Variants in NCKAP1 observed in about 807,000 individuals in gnomAD.
NCKAP1 encodes NCK associated protein 1, also known as nck-associated protein 1.
Under a neutral mutation model 151.2 loss-of-function variants are expected in NCKAP1, and 21 were observed. That is an observed-to-expected ratio of 0.14 (90% CI 0.10 to 0.20). The LOEUF (loss-of-function observed/expected upper bound fraction) is 0.20, where lower values mean the gene tolerates loss of function less well. NCKAP1 is among the 10% of genes least tolerant of loss of function. NCKAP1 has a pLI of 1.00. For synonymous variants in NCKAP1, 484 were observed against 451.8 expected (o/e 1.07, Z -0.90); for missense variants, 933 against 1,352.1 (o/e 0.69, Z 4.86).
rs553163007 is a variant in NCKAP1, at chr2:182,997,976, C to T, written c.604-2138G>A. On this transcript the variant is annotated intron_variant, in intron 6 of 30. Coordinates refer to ENST00000361354, the MANE Select transcript of NCKAP1 (RefSeq NM_013436.5). ...CCAGCAGGACATCAAAAAGTTAATTCACCATGATCAAGTGGGCTTTATTCC... is the reference window on the plus strand; with the variant it reads ...CCAGCAGGACATCAAAAAGTTAATTTACCATGATCAAGTGGGCTTTATTCC... Among the ~76,000 whole-genome samples the T allele has an allele frequency of 1.2e-3, 176 of 152,288 alleles. 2 individuals carry two copies. The highest frequency in any genetic ancestry group is 4.0e-3 in the African/African-American group (165 of 41,560).
At position 182,918,952 on chromosome 2, in the gene NCKAP1, TG is replaced by T. The variant is rs1384137837; in HGVS notation, c.*6749del. The T allele has an allele frequency of 6.6e-6, 1 of 152,242 alleles. No homozygotes were observed. Among genetic ancestry groups the T allele is most frequent in the Non-Finnish European group, 1.5e-5 (1 of 68,032 alleles). 9.4% of individuals were successfully genotyped at this position (152,242 alleles called of 1,614,324 possible). A position where few individuals can be genotyped will look rare whatever the true frequency, so the allele number is the denominator to read the frequency against. ...CAACTCTGGGGCCAGATTTAAATGT[TG>T]GCCTCTGCTACTTCCTTGTAGTGTG... On this transcript the variant is annotated 3_prime_UTR_variant, in exon 31 of 31. Coordinates refer to ENST00000361354, the MANE Select transcript of NCKAP1 (RefSeq NM_013436.5).
intron 8 of NCKAP1, among the ~76,000 whole-genome samples, chr2:182,990,821 T>C (rs1270771339): frequency 6.6e-6 from 1 of 152,218 alleles, no homozygotes; most frequent in Non-Finnish European, 1.5e-5. Context: ...CTTGGGTCAC[T>C]AGAGAAGCAA....
intron 27 of NCKAP1, among the ~76,000 whole-genome samples, chr2:182,929,617 T>C (rs906192518): frequency 5.3e-5 from 8 of 151,868 alleles, no homozygotes; most frequent in Non-Finnish European, 1.2e-4. Flanking sequence ...AAGAATTGAA[T>C]GTAAGAAAAG....
chr2:183,034,371 T>C (rs1044387261), intron 1 of NCKAP1, among the ~76,000 whole-genome samples: 3 of 128,558 alleles, frequency 2.3e-5, no homozygotes, highest in African/African-American at 7.6e-5. Flanking sequence ...AAGTTTGTAA[T>C]AGTTGTATGG....
intron 6 of NCKAP1, among the ~76,000 whole-genome samples, chr2:182,996,623 A>G (rs1397147546): frequency 6.6e-6 from 1 of 152,078 alleles, no homozygotes; most frequent in Admixed American, 6.5e-5. Flanking sequence ...ACGCTCAGCT[A>G]ATTTTTGTAT....
At chr2:183,030,151 C>T (rs2105899321) in intron 1 of NCKAP1, among the ~76,000 whole-genome samples, 1 of 152,278 alleles carries the variant, frequency 6.6e-6, no homozygotes, top group East Asian at 1.9e-4. Flanking sequence ...CTTAAAACCT[C>T]AGGAAGCAGT....
In NCKAP1 at chr2:182,915,421, C is replaced by T. The variant is rs970540040; in HGVS notation, c.*10281G>A. On this transcript the variant is annotated 3_prime_UTR_variant, in exon 31 of 31. Coordinates refer to ENST00000361354, the MANE Select transcript of NCKAP1 (RefSeq NM_013436.5). ...CCCTTGGACCTCTGCAAGGATGTGA[C>T]AGGAATAGCACAACTCACTAGAGCA... 6.6e-6 allele frequency: 1 copy of T among 152,190 alleles called. No individual in the cohort carries two copies. Among genetic ancestry groups the T allele is most frequent in the Non-Finnish European group, 1.5e-5 (1 of 68,038 alleles). The allele number at this position is 152,190 out of a possible 1,614,324, so 9.4% of individuals were successfully genotyped here. A position where few individuals can be genotyped will look rare whatever the true frequency, so the allele number is the denominator to read the frequency against.
intron 1 of NCKAP1, among the ~76,000 whole-genome samples, chr2:183,032,693 A>G (rs1183060563): frequency 1.3e-5 from 2 of 152,194 alleles, no homozygotes; most frequent in Non-Finnish European, 2.9e-5. Context: ...TTATCTTTAT[A>G]CAGATGCTCC....
intron 2 of NCKAP1, among the ~76,000 whole-genome samples, chr2:183,009,819 C>T (rs955167383): frequency 2.0e-5 from 3 of 152,148 alleles, no homozygotes; most frequent in African/African-American, 7.2e-5. Flanking sequence ...AGATGCCAAT[C>T]CGGGTCTATG....
chr2:182,930,426 G>A (rs1178817573), intron 27 of NCKAP1, among the ~76,000 whole-genome samples: 1 of 151,648 alleles, frequency 6.6e-6, no homozygotes. Context: ...TTAAATCTTA[G>A]AATGGCTCAA....
At chr2:182,962,384 A>C in intron 17 of NCKAP1, 106 bp from the exon 18 acceptor site, 1 of 1,091,800 alleles carries the variant, frequency 9.2e-7, no homozygotes, top group Non-Finnish European at 1.3e-6. Flanking sequence ...TACATTCCGC[A>C]ATAGTGAGGG....
In NCKAP1 at chr2:182,910,077, A is replaced by G. The variant is rs912914416; in HGVS notation, c.*15625T>C. 3.3e-5 allele frequency: 5 copies of G among 152,234 alleles called. No homozygotes were observed. The highest frequency in any genetic ancestry group is 7.3e-5 in the Non-Finnish European group (5 of 68,054). The allele number at this position is 152,234 out of a possible 1,614,324, so 9.4% of individuals were successfully genotyped here. A position where few individuals can be genotyped will look rare whatever the true frequency, so the allele number is the denominator to read the frequency against. ...CTGAGCCCTAGAGTTAAGGAGAAAC[A>G]GTGGTTTCTGCAAAGCTGTGGTAGC... On this transcript the variant is annotated 3_prime_UTR_variant, in exon 31 of 31. Transcript: ENST00000361354.
chr2:182,982,542 G>A (rs369452678), intron 12 of NCKAP1, among the ~76,000 whole-genome samples: 2 of 152,248 alleles, frequency 1.3e-5, no homozygotes, highest in South Asian at 2.1e-4. Flanking sequence ...TGCTGCCGTA[G>A]TTCCCAGTCA....
chr2:182,980,147 A>C (rs186233592), intron 13 of NCKAP1, among the ~76,000 whole-genome samples: 7 of 152,256 alleles, frequency 4.6e-5, no homozygotes, highest in Admixed American at 3.9e-4. Context: ...AGTAATAACT[A>C]TTCAAATAAA....
intron 2 of NCKAP1, among the ~76,000 whole-genome samples, chr2:183,020,674 A>C (rs1008399388): frequency 1.3e-5 from 2 of 152,096 alleles, no homozygotes; most frequent in Non-Finnish European, 2.9e-5. Flanking sequence ...CACAAGAATA[A>C]GAAAAAAAGA....
At chr2:182,998,784 C>T (rs921573397) in intron 6 of NCKAP1, among the ~76,000 whole-genome samples, 1 of 139,224 alleles carries the variant, frequency 7.2e-6, no homozygotes, top group African/African-American at 2.7e-5. Context: ...GAGCCAAGAG[C>T]CAAGATGGCA....
chr2:183,000,171 A>C (rs1351110258), intron 6 of NCKAP1, among the ~76,000 whole-genome samples: 1 of 152,232 alleles, frequency 6.6e-6, no homozygotes, highest in Non-Finnish European at 1.5e-5. Flanking sequence ...AAACCCTGGC[A>C]AATAAAAAAT....
Position 183,028,829 on chromosome 2 carries a change from C to A in NCKAP1, c.109-4913G>T, listed in dbSNP as rs1698948778. 3.3e-5 allele frequency among the ~76,000 whole-genome samples: 5 copies of A among 152,000 alleles called. No homozygotes were observed. In the South Asian group the frequency reaches 1.0e-3, roughly 32 times the overall value. ...AACAAGATTTTCCATAAAAACAATTCTAGGCTGGGCTCAGTGGCTCACGCC... is the reference window on the plus strand; with the variant it reads ...AACAAGATTTTCCATAAAAACAATTATAGGCTGGGCTCAGTGGCTCACGCC... On this transcript the variant is annotated intron_variant, in intron 1 of 30. Transcript: ENST00000361354.
At chr2:182,961,510 A>G (rs537921396) in intron 18 of NCKAP1, among the ~76,000 whole-genome samples, 30 of 152,272 alleles carry the variant, frequency 2.0e-4, no homozygotes, top group Non-Finnish European at 3.7e-4. Flanking sequence ...GTTCTCACTC[A>G]TAGGTGGGAA....
Sources: gnomAD v4.1 joint callset for allele counts (sites outside exome capture counted in the v4.1 genomes callset) on GRCh38, gnomAD v4.1.1 for gene constraint, MANE v1.5 for transcripts, NCBI Gene and HGNC (gene_info 2026-07-23, HGNC 2026-07-21) for gene names.